PPP1R1C: variants seen among roughly 807,000 people sequenced by gnomAD.
PPP1R1C encodes protein phosphatase 1 regulatory subunit 1C.
PPP1R1C carries 15 observed loss-of-function variants against 17.4 expected under a neutral mutation model. The observed-to-expected ratio is 0.86, with a 90% CI of 0.58 to 1.33. The LOEUF is 1.33. Among genes scored for constraint, PPP1R1C ranks in the 40% most tolerant of loss-of-function variants. The probability of loss-of-function intolerance (pLI) is 0.00; values close to 1 mark genes in which losing one functional copy is unlikely to be tolerated. For synonymous variants in PPP1R1C, 35 were observed against 43.1 expected (o/e 0.81, Z 0.73); for missense variants, 143 against 130.0 (o/e 1.10, Z -0.48).
chr2:182,048,164 A>G (rs16822397), intron 2 of PPP1R1C, among the ~76,000 whole-genome samples: 5,833 of 152,230 alleles, frequency 0.038, 377 homozygotes, highest in African/African-American at 0.13. Context: ...TATTCTTACC[A>G]TTTTCTTCTT....
At chr2:182,042,259 G>GTAT (rs1687208196) in intron 2 of PPP1R1C, among the ~76,000 whole-genome samples, 1 of 152,138 alleles carries the variant, frequency 6.6e-6, no homozygotes, top group Admixed American at 6.5e-5. Flanking sequence ...GTTCAAGGAT[G>GTAT]TATTATTTCA....
At chr2:182,005,360 A>T (rs949794314) in intron 2 of PPP1R1C, among the ~76,000 whole-genome samples, 5 of 152,222 alleles carry the variant, frequency 3.3e-5, no homozygotes, top group African/African-American at 1.2e-4. Flanking sequence ...CGCTCTGACA[A>T]CTGCTCCACA....
intron 4 of PPP1R1C, among the ~76,000 whole-genome samples, chr2:182,071,017 A>G (rs1329738734): frequency 2.0e-5 from 3 of 152,144 alleles, no homozygotes; most frequent in Non-Finnish European, 4.4e-5. Flanking sequence ...CCTATGATCC[A>G]ATCACCTCCC....
At position 182,020,444 on chromosome 2, in the gene PPP1R1C, T is replaced by C. The variant is rs572456596; in HGVS notation, c.142+32545T>C. Among the ~76,000 whole-genome samples, 9 of 152,334 alleles carry C rather than the reference T, an allele frequency of 5.9e-5. No homozygotes were observed. In the South Asian group the frequency reaches 6.2e-4, roughly 11 times the overall value. On this transcript the variant is annotated intron_variant, in intron 2 of 4. Coordinates refer to ENST00000682840, the MANE Select transcript of PPP1R1C (RefSeq NM_001080545.3). ...GCCACATGAGGATTCTCTTTGAGCA[T>C]GAAGGGCCTAAGGGTAAAGGTAAAC...
At chr2:182,062,996 T>A (rs956682582) in intron 3 of PPP1R1C, among the ~76,000 whole-genome samples, 12 of 152,070 alleles carry the variant, frequency 7.9e-5, no homozygotes, top group Non-Finnish European at 1.5e-5. Context: ...GGTTAGACCA[T>A]GTAATTTATT....
At chr2:182,011,861 C>T (rs1220428162) in intron 2 of PPP1R1C, among the ~76,000 whole-genome samples, 3 of 151,984 alleles carry the variant, frequency 2.0e-5, no homozygotes, top group African/African-American at 7.2e-5. Flanking sequence ...TTCTTAATTT[C>T]TTCATTGACC....
At chr2:182,053,114 G>A (rs764953863) in intron 2 of PPP1R1C, among the ~76,000 whole-genome samples, 28 of 152,256 alleles carry the variant, frequency 1.8e-4, no homozygotes, top group Middle Eastern at 3.4e-3. Flanking sequence ...AATTTCATCC[G>A]TTCAAGAAGG....
intron 5 of PPP1R1C, among the ~76,000 whole-genome samples, chr2:182,125,977 T>C (rs1200434196): frequency 2.6e-5 from 4 of 152,170 alleles, no homozygotes; most frequent in Non-Finnish European, 5.9e-5. Context: ...TTGTTCTTGC[T>C]TCTCTACTTC....
intron 2 of PPP1R1C, among the ~76,000 whole-genome samples, chr2:182,033,911 T>C (rs1339196579): frequency 1.3e-5 from 2 of 152,200 alleles, no homozygotes; most frequent in African/African-American, 4.8e-5. Context: ...AAATGTATCA[T>C]TGTATTCATG....
At chr2:182,107,610 T>C (rs760469308) in intron 4 of PPP1R1C, among the ~76,000 whole-genome samples, 14 of 152,312 alleles carry the variant, frequency 9.2e-5, no homozygotes, top group Middle Eastern at 3.4e-3. Context: ...ATGGTCTTAT[T>C]TTGAACTCAT....
At position 181,962,824 on chromosome 2, in the gene PPP1R1C, C is replaced by A. The variant is rs112141375; in HGVS notation, n.111+8190C>A. Among the ~76,000 whole-genome samples, 62 of 152,232 alleles carry A rather than the reference C, an allele frequency of 4.1e-4. 1 individual carries two copies. In the East Asian group the frequency reaches 7.7e-3, roughly 19 times the overall value. On this transcript the variant is annotated intron_variant and non_coding_transcript_variant, in intron 1 of 5. Coordinates refer to the PPP1R1C transcript ENST00000464264. The surrounding 1 kb of genome is among the most constrained non-coding windows in gnomAD (Gnocchi z 6.0). ...AAGCGGAGCCTGAGCTAACCAGGGA[C>A]CTTCACATCCACATGAAGACAGGGG...
chr2:182,088,211 C>T (rs1015016046), intron 4 of PPP1R1C, among the ~76,000 whole-genome samples: 18 of 151,224 alleles, frequency 1.2e-4, no homozygotes, highest in African/African-American at 4.4e-4. Context: ...TAGGTAATTG[C>T]CTTGAATGTT....
chr2:182,086,181 AT>A (rs1688623130), intron 4 of PPP1R1C, among the ~76,000 whole-genome samples: 1 of 152,164 alleles, frequency 6.6e-6, no homozygotes, highest in Non-Finnish European at 1.5e-5. Flanking sequence ...GTAGAAAAAA[AT>A]GTTATCATCA....
At chr2:182,078,371 C>T (rs1688377554) in intron 4 of PPP1R1C, among the ~76,000 whole-genome samples, 1 of 152,076 alleles carries the variant, frequency 6.6e-6, no homozygotes, top group African/African-American at 2.4e-5. Flanking sequence ...ATAGAGTAGG[C>T]AGGTATTTTT....
At position 182,117,269 on chromosome 2, in the gene PPP1R1C, G is replaced by A; in HGVS notation, c.304G>A (p.Glu102Lys). 6.4e-7 allele frequency: 1 copy of A among 1,563,110 alleles called. No individual in the cohort carries two copies. Among genetic ancestry groups the A allele is most frequent in the Non-Finnish European group, 8.7e-7 (1 of 1,153,196 alleles). The change falls in exon 5 of 5, where the codon GAA (glutamate) becomes AAA (lysine). Residue 102 changes from glutamate to lysine, a missense_variant. Physicochemically the swap from Glu to Lys is moderately conservative, Grantham distance 56. Coordinates refer to ENST00000682840, the MANE Select transcript of PPP1R1C (RefSeq NM_001080545.3). ...AFPEEEEGTN[E>K]REEQRDH ...CCCTGAAGAAGAAGAAGGCACCAAT[G>A]AAAGAGAGGAGCAGCGGGACCATTA...
chr2:182,121,656 T>TTTTG (rs1469028980), downstream of PPP1R1C, among the ~76,000 whole-genome samples: 1 of 151,934 alleles, frequency 6.6e-6, no homozygotes, highest in African/African-American at 2.4e-5. Context: ...CCCAGCTGAT[T>TTTTG]TTTGTTTGTT....
At chr2:182,020,475 C>T (rs780903512) in intron 2 of PPP1R1C, among the ~76,000 whole-genome samples, 17 of 152,148 alleles carry the variant, frequency 1.1e-4, no homozygotes, top group Non-Finnish European at 2.1e-4. Context: ...TAAACGTTTG[C>T]AGAAGCCTAG....
downstream of PPP1R1C, among the ~76,000 whole-genome samples, chr2:182,118,578 T>C (rs910154462): frequency 4.6e-5 from 7 of 152,182 alleles, no homozygotes; most frequent in Non-Finnish European, 8.8e-5. Flanking sequence ...AATATCAAGA[T>C]TCAAATATGT....
At chr2:182,124,780 TGAAA>T (rs1689833948) in intron 5 of PPP1R1C, among the ~76,000 whole-genome samples, 1 of 152,184 alleles carries the variant, frequency 6.6e-6, no homozygotes, top group South Asian at 2.1e-4. Context: ...GCTTATCAGC[TGAAA>T]GAGTTTTTGG....
Sources: allele counts gnomAD v4.1 joint callset (sites outside exome capture counted in the v4.1 genomes callset), GRCh38; gene constraint gnomAD v4.1.1; non-coding constraint Gnocchi (gnomAD v3.1); transcripts MANE v1.5; gene names NCBI Gene and HGNC (gene_info 2026-07-23, HGNC 2026-07-21).